XKR6: variants seen among roughly 807,000 people sequenced by gnomAD.
XKR6 encodes XK-related protein 6.
XKR6 carries 22 observed loss-of-function variants against 56.7 expected under a neutral mutation model. That is an observed-to-expected ratio of 0.39 (90% CI 0.28 to 0.55). XKR6 has a LOEUF of 0.55. Ranked by LOEUF, XKR6 falls within the 20% of genes least tolerant of loss-of-function variation. XKR6 has a pLI of 0.66. For synonymous variants in XKR6, 524 were observed against 387.8 expected (o/e 1.35, Z -4.13); for missense variants, 852 against 889.0 (o/e 0.96, Z 0.53).
At chr8:11,191,026 T>C (rs549693215) in intron 1 of XKR6, among the ~76,000 whole-genome samples, 2 of 152,192 alleles carry the variant, frequency 1.3e-5, no homozygotes, top group Non-Finnish European at 2.9e-5. Flanking sequence ...TTACTGCAAG[T>C]ATCACACACA....
intron 1 of XKR6, among the ~76,000 whole-genome samples, chr8:11,033,778 G>A (rs1170332421): frequency 6.6e-6 from 1 of 152,154 alleles, no homozygotes; most frequent in Non-Finnish European, 1.5e-5. Flanking sequence ...AGATACCCAG[G>A]TCCACTCGTA....
At chr8:11,166,444 C>G (rs1178490136) in intron 1 of XKR6, among the ~76,000 whole-genome samples, 1 of 152,142 alleles carries the variant, frequency 6.6e-6, no homozygotes, top group Non-Finnish European at 1.5e-5. Context: ...AGGGCCGTTG[C>G]TTATAGACAA....
chr8:11,041,497 A>G (rs1480775569), intron 1 of XKR6, among the ~76,000 whole-genome samples: 2 of 152,010 alleles, frequency 1.3e-5, no homozygotes, highest in Non-Finnish European at 2.9e-5. Context: ...CAGGGGCTGC[A>G]GTGAGTCAAG....
chr8:11,009,567 C>T (rs1436769942), intron 1 of XKR6, among the ~76,000 whole-genome samples: 1 of 152,180 alleles, frequency 6.6e-6, no homozygotes, highest in African/African-American at 2.4e-5. Context: ...ATAGCATGAG[C>T]TTAGAACTAA....
chr8:11,004,011 G>A lies in XKR6; in HGVS notation c.765-79181C>T, dbSNP rs1391424322. On this transcript the variant is annotated intron_variant, in intron 1 of 2. Transcript: ENST00000416569. The stretch of plus-strand genomic sequence containing the variant: ...AAGGGCGGGTGGCTGTGGAGTAGTG[G>A]GTCCTGGGGCATCACAAGAGTGAGT... 1.3e-5 allele frequency among the ~76,000 whole-genome samples: 2 copies of A among 152,288 alleles called. 1 individual carries two copies. The highest frequency in any genetic ancestry group is 4.2e-4 in the South Asian group (2 of 4,814).
intron 1 of XKR6, among the ~76,000 whole-genome samples, chr8:11,184,131 A>G (rs562878185): frequency 3.9e-5 from 6 of 152,318 alleles, no homozygotes; most frequent in African/African-American, 1.4e-4. Context: ...CACCATACAG[A>G]GACTGTTAAA....
chr8:11,072,544 G>A (rs893965236), intron 1 of XKR6, among the ~76,000 whole-genome samples: 1 of 152,208 alleles, frequency 6.6e-6, no homozygotes, highest in Non-Finnish European at 1.5e-5. Context: ...CATGCATCTT[G>A]CACTGATGAA....
chr8:11,050,542 C>T (rs1351411829), intron 1 of XKR6, among the ~76,000 whole-genome samples: 1 of 131,394 alleles, frequency 7.6e-6, no homozygotes, highest in Non-Finnish European at 1.6e-5. Context: ...GAGAGGGAAA[C>T]AGAAGAGAGA....
chr8:11,160,408 A>C (rs940638106), intron 1 of XKR6, among the ~76,000 whole-genome samples: 3 of 152,142 alleles, frequency 2.0e-5, no homozygotes, highest in Admixed American at 2.0e-4. Context: ...AAAAGGAATA[A>C]TGATGGGGAA....
intron 1 of XKR6, among the ~76,000 whole-genome samples, chr8:11,031,963 G>A (rs1272032048): frequency 2.0e-5 from 3 of 152,200 alleles, no homozygotes; most frequent in African/African-American, 7.2e-5. Flanking sequence ...CCCCCAGCAG[G>A]CAGCCTCTGC....
rs1443839302 is a variant in XKR6, at chr8:10,898,483, G to C, written c.1395C>G (p.Asp465Glu). 2 of 1,613,922 alleles carry C rather than the reference G, an allele frequency of 1.2e-6. No homozygotes were observed. Among genetic ancestry groups the C allele is most frequent in the Non-Finnish European group, 1.7e-6 (2 of 1,180,022 alleles). ...CCGCATAGGAGTCAGTGGTCTCCGG[G>C]TCTCTGTAAAAATACCAAAGGAACG... ...ALTFLWYFYR[D>E]PETTDSYAVP... Residue 465 changes from aspartate (D) to glutamate (E), a missense_variant, in exon 3 of 3, where the codon GAC becomes GAG. Physicochemically the swap from Asp to Glu is conservative, Grantham distance 45 (BLOSUM62 2). This residue lies in a region of XKR6 where 197 missense variants were observed against 190.9 expected (regional missense o/e 1.03). Coordinates refer to ENST00000416569, the MANE Select transcript of XKR6 (RefSeq NM_173683.4). The surrounding 1 kb of genome is among the most constrained non-coding windows in gnomAD (Gnocchi z 6.6).
At chr8:11,139,226 C>T (rs188889542) in intron 1 of XKR6, among the ~76,000 whole-genome samples, 5 of 152,202 alleles carry the variant, frequency 3.3e-5, no homozygotes, top group Admixed American at 2.0e-4. Flanking sequence ...CTTTTATGTA[C>T]AAAACTATAA....
chr8:11,102,984 A>G (rs1798540490), intron 1 of XKR6, among the ~76,000 whole-genome samples: 1 of 152,158 alleles, frequency 6.6e-6, no homozygotes, highest in African/African-American at 2.4e-5. Flanking sequence ...GATTAGAGAA[A>G]CGGCTTTTAT....
intron 1 of XKR6, among the ~76,000 whole-genome samples, chr8:10,950,383 C>T (rs1406656858): frequency 6.6e-6 from 1 of 152,204 alleles, no homozygotes; most frequent in Non-Finnish European, 1.5e-5. Context: ...GCAGTGCACA[C>T]CCTCCCTGTG....
intron 1 of XKR6, among the ~76,000 whole-genome samples, chr8:11,024,204 GGTGTGTGTGTGTGTGTGTGTGT>G (rs61021720): frequency 2.5e-4 from 34 of 136,900 alleles, no homozygotes; most frequent in South Asian, 5.1e-4. Flanking sequence ...CCTGTTAGGA[GGTGTGTGTGTGTGTGTGTGTGT>G]GTGTGTGTGT....
At chr8:11,188,261 C>T (rs1284989759) in intron 1 of XKR6, among the ~76,000 whole-genome samples, 1 of 152,180 alleles carries the variant, frequency 6.6e-6, no homozygotes, top group Admixed American at 6.5e-5. Flanking sequence ...TGCTTGGGTA[C>T]ACACCAACCC....
At chr8:10,994,807 C>G (rs1798073526) in intron 1 of XKR6, among the ~76,000 whole-genome samples, 1 of 152,154 alleles carries the variant, frequency 6.6e-6, no homozygotes, top group Non-Finnish European at 1.5e-5. Flanking sequence ...AGCCAGAATG[C>G]AAATAAAAAT....
At chr8:10,965,741 T>C (rs1802203123) in intron 1 of XKR6, among the ~76,000 whole-genome samples, 1 of 152,188 alleles carries the variant, frequency 6.6e-6, no homozygotes. Context: ...GATTTGGCAG[T>C]TTAACTCTTA....
At position 10,896,904 on chromosome 8, in the gene XKR6, G is replaced by C. The variant is rs1217958757; in HGVS notation, c.*1048C>G. The C allele has an allele frequency of 1.3e-5, 2 of 152,550 alleles. No homozygotes were observed. Among genetic ancestry groups the C allele is most frequent in the African/African-American group, 4.8e-5 (2 of 41,434 alleles). 9.4% of individuals were successfully genotyped at this position (152,550 alleles called of 1,614,324 possible). On this transcript the variant is annotated 3_prime_UTR_variant, in exon 3 of 3. Transcript: ENST00000416569. ...TGTCTACCATTCACAGCCTTAAAAT[G>C]ATGGAACTAATCGTTGTTGCCAGTC...
Sources: gnomAD v4.1 joint callset for allele counts (sites outside exome capture counted in the v4.1 genomes callset) on GRCh38, gnomAD v4.1.1 for gene constraint, gnomAD v4.1.1 regional missense constraint, Gnocchi (gnomAD v3.1) non-coding constraint, MANE v1.5 for transcripts, NCBI Gene and HGNC (gene_info 2026-07-23, HGNC 2026-07-21) for gene names.